The following NSMCE1 variants were observed in gnomAD, a reference collection of about 807,000 sequenced individuals.
NSMCE1 encodes the protein NSE1 component of SMC5/6 complex.
Under a neutral mutation model 29.6 loss-of-function variants are expected in NSMCE1, and 18 were observed. The observed-to-expected ratio is 0.61, with a 90% CI of 0.42 to 0.90. The LOEUF is 0.90. Ranked by LOEUF, NSMCE1 falls within the 40% of genes least tolerant of loss-of-function variation. The probability of loss-of-function intolerance (pLI) is 0.00; values close to 1 mark genes in which losing one functional copy is unlikely to be tolerated. For synonymous variants in NSMCE1, 124 were observed against 133.4 expected (o/e 0.93, Z 0.49); for missense variants, 314 against 343.6 (o/e 0.91, Z 0.68).
At chr16:27,230,215 C>T (rs2083748394) in intron 5 of NSMCE1, among the ~76,000 whole-genome samples, 1 of 152,250 alleles carries the variant, frequency 6.6e-6, no homozygotes, top group South Asian at 2.1e-4. Context: ...GCCTCAGCAC[C>T]TCCATGCCGG....
chr16:27,252,621 AAAT>A (rs1301151605), intron 2 of NSMCE1, among the ~76,000 whole-genome samples: 1 of 152,088 alleles, frequency 6.6e-6, no homozygotes, highest in African/African-American at 2.4e-5. Flanking sequence ...CCGTCTCTAC[AAAT>A]AATTTAAAAC....
chr16:27,252,280 G>A (rs895003500), intron 2 of NSMCE1, among the ~76,000 whole-genome samples: 6 of 152,314 alleles, frequency 3.9e-5, no homozygotes, highest in East Asian at 3.9e-4. Context: ...CAATATCTGA[G>A]GAGAAGAGAG....
At chr16:27,226,880 T>TC (rs781697953) in intron 5 of NSMCE1, 44 bp from the exon 6 acceptor site, 2 of 1,201,938 alleles carry the variant, frequency 1.7e-6, no homozygotes, top group Middle Eastern at 2.0e-4. Context: ...CCAGGCCCTC[T>TC]CCCCATTCAC....
At position 27,235,290 on chromosome 16, in the gene NSMCE1, G is replaced by A; in HGVS notation, c.146C>T (p.Thr49Ile). ...HCYKVHDRNA[T>I]VDKLEDFINN... ...GATGAAGTCCTCCAACTTATCTACG[G>A]TGGCATTGCCTGGAAATAAACAGAC... The change falls in exon 3 of 8, where the codon ACC becomes ATC. Residue 49 changes from threonine to isoleucine, a missense_variant. Thr to Ile is a moderately conservative substitution (Grantham distance 89, BLOSUM62 -1). Transcript: ENST00000361439. 1 of 1,613,442 alleles carries A rather than the reference G, an allele frequency of 6.2e-7. No homozygotes were observed. The highest frequency in any genetic ancestry group is 8.5e-7 in the Non-Finnish European group (1 of 1,179,878).
chr16:27,232,891 C>T lies in NSMCE1; in HGVS notation c.483+110G>A, dbSNP rs1276268115. The T allele has an allele frequency of 1.7e-5, 20 of 1,152,006 alleles. No homozygotes were observed. The highest frequency in any genetic ancestry group is 2.9e-5 in the South Asian group (2 of 69,370). The allele number at this position is 1,152,006 out of a possible 1,614,324, so 71.4% of individuals were successfully genotyped here. On this transcript the variant is annotated intron_variant, in intron 5 of 7. Transcript: ENST00000361439. The surrounding 1 kb of genome is among the most constrained non-coding windows in gnomAD (Gnocchi z 4.5). ...AATGCATGAAAGCAGATAAGGGATCCGAGAAGGCCGGGCTCCTCAGACATC... is the reference window on the plus strand; with the variant it reads ...AATGCATGAAAGCAGATAAGGGATCTGAGAAGGCCGGGCTCCTCAGACATC...
chr16:27,226,611 A>G, intron 6 of NSMCE1, 109 bp downstream of exon 6: 2 of 693,876 alleles, frequency 2.9e-6, no homozygotes, highest in South Asian at 1.8e-5. Flanking sequence ...AGGATGCGCC[A>G]GCAGTGCAGG....
intron 2 of NSMCE1, among the ~76,000 whole-genome samples, chr16:27,250,413 C>G (rs1274662767): frequency 6.6e-6 from 1 of 151,952 alleles, no homozygotes; most frequent in Non-Finnish European, 1.5e-5. Context: ...AGGAAGTTCC[C>G]TTCTTTTCTC....
intron 2 of NSMCE1, among the ~76,000 whole-genome samples, chr16:27,238,794 TG>T (rs1226182737): frequency 6.6e-6 from 1 of 151,922 alleles, no homozygotes; most frequent in African/African-American, 2.4e-5. Context: ...GGTGATGCCA[TG>T]CTTCCTGCCT....
intron 2 of NSMCE1, among the ~76,000 whole-genome samples, chr16:27,253,606 C>A (rs2084056355): frequency 6.6e-6 from 1 of 152,176 alleles, no homozygotes; most frequent in Non-Finnish European, 1.5e-5. Context: ...CCACCACCCC[C>A]GAGGCCTCCT....
chr16:27,267,544 GAAC>G (rs2084239990), intron 1 of NSMCE1, among the ~76,000 whole-genome samples: 2 of 151,270 alleles, frequency 1.3e-5, no homozygotes, highest in South Asian at 2.1e-4. Context: ...TGAGTGAACA[GAAC>G]AACTACAATC....
rs910548334 is a variant in NSMCE1 at position 27,232,210 on chromosome 16, G to A, written c.483+791C>T. ...GGAAGCGGGGACCCGGCGTGAGTGC[G>A]TCCTCAACACACATGGGCACAAGCA... is the stretch of plus-strand genomic sequence containing the variant. On this transcript the variant is annotated intron_variant, in intron 5 of 7. Transcript: ENST00000361439. The surrounding 1 kb of genome is among the most constrained non-coding windows in gnomAD (Gnocchi z 4.5). 2.6e-5 allele frequency among the ~76,000 whole-genome samples: 4 copies of A among 152,200 alleles called. No individual in the cohort carries two copies. Among genetic ancestry groups the A allele is most frequent in the East Asian group, 1.9e-4 (1 of 5,200 alleles).
At chr16:27,239,712 G>A (rs548783828) in intron 2 of NSMCE1, among the ~76,000 whole-genome samples, 2 of 152,314 alleles carry the variant, frequency 1.3e-5, no homozygotes, top group East Asian at 3.9e-4. Flanking sequence ...ACAGAGGAAC[G>A]AGGCCCTGGC....
intron 2 of NSMCE1, among the ~76,000 whole-genome samples, chr16:27,248,552 A>T (rs1044317173): frequency 1.3e-5 from 2 of 151,540 alleles, no homozygotes; most frequent in African/African-American, 2.4e-5. Flanking sequence ...CTGGGACTAC[A>T]GGCACCCGCC....
At position 27,263,817 on chromosome 16, in the gene NSMCE1, C is replaced by T. The variant is rs147381061; in HGVS notation, c.-12+4889G>A. 5.7e-3 allele frequency among the ~76,000 whole-genome samples: 871 copies of T among 152,186 alleles called. 10 individuals are homozygous for T. The highest frequency in any genetic ancestry group is 0.037 in the Middle Eastern group (11 of 294). On this transcript the variant is annotated intron_variant, in intron 1 of 7. Coordinates refer to ENST00000361439, the MANE Select transcript of NSMCE1 (RefSeq NM_145080.4). ...AAAACATCTTTTATCTACTAAGTGA[C>T]GTCTACAAAAAACCTGCAGCAAACA... is the stretch of plus-strand genomic sequence containing the variant.
At chr16:27,245,191 T>C (rs931149155) in intron 2 of NSMCE1, among the ~76,000 whole-genome samples, 1 of 152,212 alleles carries the variant, frequency 6.6e-6, no homozygotes, top group Non-Finnish European at 1.5e-5. Flanking sequence ...GACTCTTCCA[T>C]GAAATGAATG....
At chr16:27,240,794 C>T (rs1199783153) in intron 2 of NSMCE1, among the ~76,000 whole-genome samples, 7 of 152,084 alleles carry the variant, frequency 4.6e-5, no homozygotes. Context: ...ATTTTAAGGC[C>T]AGGTGTGGTG....
chr16:27,257,059 C>G (rs536280369), intron 2 of NSMCE1, among the ~76,000 whole-genome samples: 1 of 152,096 alleles, frequency 6.6e-6, no homozygotes, highest in Non-Finnish European at 1.5e-5. Context: ...ACTGTCTCTG[C>G]GCCACTGTCT....
At chr16:27,230,118 G>A (rs947070819) in intron 5 of NSMCE1, among the ~76,000 whole-genome samples, 1 of 151,804 alleles carries the variant, frequency 6.6e-6, no homozygotes, top group Non-Finnish European at 1.5e-5. Flanking sequence ...CAGACGCCCA[G>A]CTCCCATGAG....
intron 2 of NSMCE1, among the ~76,000 whole-genome samples, chr16:27,239,003 G>A (rs539422699): frequency 2.0e-4 from 31 of 152,126 alleles, no homozygotes; most frequent in Admixed American, 1.2e-3. Flanking sequence ...CCCAGGCACT[G>A]GGACTACAGG....
Sources: allele counts gnomAD v4.1 joint callset (sites outside exome capture counted in the v4.1 genomes callset), GRCh38; gene constraint gnomAD v4.1.1; non-coding constraint Gnocchi (gnomAD v3.1); transcripts MANE v1.5; gene names NCBI Gene and HGNC (gene_info 2026-07-23, HGNC 2026-07-21).